The following CLCN5 variants were observed in gnomAD, a reference collection of about 807,000 sequenced individuals.
CLCN5 encodes the protein Cl-/H+ antiporter 5.
CLCN5 carries 17 observed loss-of-function variants against 54.0 expected under a neutral mutation model. The observed-to-expected ratio is 0.31, with a 90% CI of 0.22 to 0.47. The LOEUF (loss-of-function observed/expected upper bound fraction) is 0.47, where lower values mean the gene tolerates loss of function less well. Among genes scored for constraint, CLCN5 ranks in the 20% least tolerant of loss-of-function variants. The pLI, the probability that CLCN5 is intolerant of heterozygous loss-of-function variation, is 1.00. For synonymous variants in CLCN5, 222 were observed against 233.0 expected (o/e 0.95, Z 0.43); for missense variants, 448 against 646.7 (o/e 0.69, Z 3.33).
intron 3 of CLCN5, among the ~76,000 whole-genome samples, chrX:49,962,366 T>G (rs1383110640): frequency 9.0e-6 from 1 of 111,662 alleles, no homozygotes; most frequent in Non-Finnish European, 1.9e-5. Context: ...CCTCTTTCAA[T>G]GGCTACTGCT....
At chrX:50,053,762 T>A (rs781830338) in intron 4 of CLCN5, among the ~76,000 whole-genome samples, 10 of 112,272 alleles carry the variant, frequency 8.9e-5, no homozygotes, top group African/African-American at 3.2e-4. Flanking sequence ...ACATTTTGAC[T>A]TACAAGTTAT....
intron 3 of CLCN5, 81 bp downstream of exon 3, chrX:49,925,395 G>A: frequency 1.1e-6 from 1 of 941,476 alleles, no homozygotes. Flanking sequence ...TCCCCACCCA[G>A]CCAATGGCAG....
At chrX:49,928,724 GACC>G (rs1457522392) in intron 3 of CLCN5, among the ~76,000 whole-genome samples, 5 of 111,608 alleles carry the variant, frequency 4.5e-5, no homozygotes, top group African/African-American at 6.5e-5. Context: ...AGGAGATCGA[GACC>G]ATCCTGGCTA....
chrX:49,934,636 C>T (rs372337705), intron 3 of CLCN5, among the ~76,000 whole-genome samples: 2 of 111,588 alleles, frequency 1.8e-5, no homozygotes, highest in Non-Finnish European at 3.8e-5. Context: ...TGACTACATC[C>T]AGGAGGAACA....
At chrX:49,963,431 C>T (rs1293939528) in intron 3 of CLCN5, among the ~76,000 whole-genome samples, 1 of 111,693 alleles carries the variant, frequency 9.0e-6, no homozygotes, top group African/African-American at 3.3e-5. Flanking sequence ...AACCCCAATC[C>T]ATATGTGTGT....
intron 3 of CLCN5, among the ~76,000 whole-genome samples, chrX:49,951,360 G>A (rs1288891990): frequency 2.7e-5 from 3 of 111,925 alleles, no homozygotes; most frequent in Non-Finnish European, 5.6e-5. Context: ...GTGACATTAG[G>A]CCTATTCTCT....
At chrX:49,972,744 T>G (rs1401518505) in intron 3 of CLCN5, among the ~76,000 whole-genome samples, 6 of 112,078 alleles carry the variant, frequency 5.4e-5, no homozygotes, top group East Asian at 5.6e-4. Context: ...TTTTCTACTT[T>G]ATGAGTTTTA....
At chrX:50,046,189 G>A (rs191877198) in intron 4 of CLCN5, among the ~76,000 whole-genome samples, 40 of 112,346 alleles carry the variant, frequency 3.6e-4, no homozygotes, top group African/African-American at 1.2e-3. Flanking sequence ...AGAAAAACAC[G>A]GAGGACTGTT....
intron 3 of CLCN5, among the ~76,000 whole-genome samples, chrX:49,951,116 A>G (rs1927025522): frequency 8.9e-6 from 1 of 111,927 alleles, no homozygotes; most frequent in South Asian, 3.7e-4. Context: ...GGTCAAATAA[A>G]TTAGAGCGTT....
At chrX:49,974,527 A>T (rs1158346152) in intron 3 of CLCN5, among the ~76,000 whole-genome samples, 1 of 110,976 alleles carries the variant, frequency 9.0e-6, no homozygotes, top group Non-Finnish European at 1.9e-5. Flanking sequence ...TAACAACCTT[A>T]TGAGGTTGGT....
intron 3 of CLCN5, among the ~76,000 whole-genome samples, chrX:49,926,551 G>A (rs1413936337): frequency 1.8e-5 from 2 of 111,791 alleles, no homozygotes; most frequent in African/African-American, 3.3e-5. Flanking sequence ...AAAATGAGTA[G>A]GAGCAAATGA....
intron 3 of CLCN5, among the ~76,000 whole-genome samples, chrX:49,979,271 C>T (rs1443299246): frequency 9.0e-6 from 1 of 111,287 alleles, no homozygotes; most frequent in Non-Finnish European, 1.9e-5. Flanking sequence ...TTGCTTATAG[C>T]CCACCTCTCC....
chrX:50,008,434 C>T (rs782577823), intron 3 of CLCN5: 2 of 348,833 alleles, frequency 5.7e-6, no homozygotes, highest in African/African-American at 2.6e-5. Flanking sequence ...GTGTTCTGCT[C>T]CCCCTCTCTA....
chrX:50,078,442 CTTGCATAAATGT>C (rs2147569055), intron 7 of CLCN5, among the ~76,000 whole-genome samples: 1 of 112,381 alleles, frequency 8.9e-6, no homozygotes, highest in African/African-American at 3.2e-5. Flanking sequence ...ATGGCAACAG[CTTGCATAAATGT>C]AGTACCATAG....
intron 3 of CLCN5, among the ~76,000 whole-genome samples, chrX:49,993,326 G>C (rs187250951): frequency 8.9e-6 from 1 of 112,014 alleles, no homozygotes; most frequent in East Asian, 2.8e-4. Context: ...GAAGTATCTA[G>C]CTGGATTTTG....
intron 3 of CLCN5, among the ~76,000 whole-genome samples, chrX:49,988,650 C>A (rs974220211): frequency 9.0e-6 from 1 of 111,725 alleles, no homozygotes; most frequent in Non-Finnish European, 1.9e-5. Flanking sequence ...TAGACAGATA[C>A]TTTTGCAAAG....
chrX:50,006,414 G>A (rs1557181411), intron 3 of CLCN5, among the ~76,000 whole-genome samples: 1 of 111,768 alleles, frequency 8.9e-6, no homozygotes, highest in Non-Finnish European at 1.9e-5. Flanking sequence ...AGCAGAGAGT[G>A]CCTGTCACCT....
At chrX:50,087,001 C>A (rs782633752) in intron 11 of CLCN5, 131 bp downstream of exon 11, 21 of 609,276 alleles carry the variant, frequency 3.4e-5, no homozygotes, top group Non-Finnish European at 5.0e-5. Context: ...TCCCCCACCC[C>A]CAAAGCCTCT....
At position 50,095,805 on chromosome X, in the gene CLCN5, T is replaced by G. The variant is rs1167850799; in HGVS notation, c.*3586T>G. 8.9e-6 allele frequency: 1 copy of G among 112,556 alleles called. No individual in the cohort carries two copies. 9.3% of individuals were successfully genotyped at this position (112,556 alleles called of 1,213,427 possible). On this transcript the variant is annotated 3_prime_UTR_variant, in exon 15 of 15. Coordinates refer to ENST00000376091, the MANE Select transcript of CLCN5 (RefSeq NM_001127898.4). ...ACTTAGTGTGCAATAGAGTCCATTA[T>G]AGAAATTAACCACTGCTATATGTTT...
Sources: allele counts gnomAD v4.1 joint callset (sites outside exome capture counted in the v4.1 genomes callset), GRCh38; gene constraint gnomAD v4.1.1; transcripts MANE v1.5; gene names NCBI Gene and HGNC (gene_info 2026-07-23, HGNC 2026-07-21).